The following CSRP1 variants were observed in gnomAD, a reference collection of about 807,000 sequenced individuals.
CSRP1 encodes the protein cysteine and glycine rich protein 1.
A neutral mutation model predicts 25.4 loss-of-function variants in CSRP1; 16 were observed. The ratio of observed to expected loss-of-function variants is 0.63; its 90% CI spans 0.43 to 0.96. CSRP1 has a LOEUF of 0.96. Among genes scored for constraint, CSRP1 ranks in the 40% least tolerant of loss-of-function variants. The pLI, the probability that CSRP1 is intolerant of heterozygous loss-of-function variation, is 0.00. For synonymous variants in CSRP1, 97 were observed against 95.3 expected (o/e 1.02, Z -0.10); for missense variants, 212 against 243.6 (o/e 0.87, Z 0.86).
In CSRP1 at chr1:201,488,986, T is replaced by C. The variant is rs111791241; in HGVS notation, c.282-2A>G. ...GTGGTGGGCCTGTGGCCAGGGGCTC[T>C]GCATGGAGAAGGGCATGGGGTGAGG... On this transcript the variant is annotated splice_acceptor_variant, in intron 3 of 5. Transcript: ENST00000340006. LOFTEE classifies it high-confidence loss of function. 1 of 1,613,810 alleles carries C rather than the reference T, an allele frequency of 6.2e-7. No individual in the cohort carries two copies. Among genetic ancestry groups the C allele is most frequent in the Non-Finnish European group, 8.5e-7 (1 of 1,179,844 alleles).
At chr1:201,485,471 G>A (rs1484645502) in intron 4 of CSRP1, 95 bp from the exon 5 acceptor site, 7 of 1,081,516 alleles carry the variant, frequency 6.5e-6, no homozygotes, top group South Asian at 1.3e-5. Context: ...TGGTATAAGG[G>A]CTCAAGCCAC....
At chr1:201,501,766 G>A (rs985840855) in intron 1 of CSRP1, among the ~76,000 whole-genome samples, 2 of 152,146 alleles carry the variant, frequency 1.3e-5, no homozygotes, top group African/African-American at 4.8e-5. Flanking sequence ...GCTGAGGCAG[G>A]CGGATCACTT....
chr1:201,503,812 C>G (rs997996474), intron 1 of CSRP1, among the ~76,000 whole-genome samples: 2 of 152,196 alleles, frequency 1.3e-5, no homozygotes, highest in African/African-American at 4.8e-5. Flanking sequence ...TGCTAGCTCT[C>G]TCTTTCTCAA....
rs372745780 is a variant in CSRP1, at chr1:201,496,774, T to TA, written c.-1-471dup. On this transcript the variant is annotated intron_variant, in intron 1 of 5. Coordinates refer to ENST00000340006, the MANE Select transcript of CSRP1 (RefSeq NM_004078.3). ...CTCATATTGCCAAGGGATGGACATA[T>TA]AGGTGGAAAAGTTACTACAGAAAAG... 3.2e-3 allele frequency among the ~76,000 whole-genome samples: 481 copies of TA among 152,282 alleles called. 1 individual carries two copies. The highest frequency in any genetic ancestry group is 5.3e-3 in the Non-Finnish European group (361 of 68,014).
chr1:201,494,170 G>A (rs1394619083), intron 2 of CSRP1, among the ~76,000 whole-genome samples: 1 of 151,864 alleles, frequency 6.6e-6, no homozygotes, highest in Non-Finnish European at 1.5e-5. Flanking sequence ...CCTGCCCCAG[G>A]CCCTGTTCCT....
rs753437653 is a variant in CSRP1, at chr1:201,490,541, G to C, written c.113-197C>G. 1.5e-5 allele frequency: 8 copies of C among 550,344 alleles called. No homozygotes were observed. The Admixed American group carries it at 1.8e-4, about 13-fold the overall frequency. 34.1% of individuals were successfully genotyped at this position (550,344 alleles called of 1,614,324 possible). A position where few individuals can be genotyped will look rare whatever the true frequency, so the allele number is the denominator to read the frequency against. ...ACAGAGGGATGGGATCTGCATATCC[G>C]ACTCTAGAAATGCTGGCCAACACCA... On this transcript the variant is annotated intron_variant, in intron 2 of 5. Transcript: ENST00000340006.
At chr1:201,490,697 G>A (rs998594281) in intron 2 of CSRP1, 13 of 191,176 alleles carry the variant, frequency 6.8e-5, no homozygotes, top group Middle Eastern at 4.3e-3. Flanking sequence ...CGCCTGTTGA[G>A]GTTCCTCACT....
Position 201,483,777 on chromosome 1 carries a change from A to AG in CSRP1, c.*935dup, listed in dbSNP as rs542342391. 6.3e-5 allele frequency: 30 copies of AG among 473,038 alleles called. No individual in the cohort carries two copies. In the South Asian group the frequency reaches 1.0e-3, roughly 16 times the overall value. 29.3% of individuals were successfully genotyped at this position (473,038 alleles called of 1,614,324 possible). A position where few individuals can be genotyped will look rare whatever the true frequency, so the allele number is the denominator to read the frequency against. ...GAGGCAGGGTCTTGGGTTAAAGGGAAGATTCTGAGGTCTCAGGGCAAAGGG... is the reference window on the plus strand; with the variant it reads ...GAGGCAGGGTCTTGGGTTAAAGGGAAGGATTCTGAGGTCTCAGGGCAAAGGG... On this transcript the variant is annotated 3_prime_UTR_variant, in exon 6 of 6. Transcript: ENST00000340006.
intron 1 of CSRP1, among the ~76,000 whole-genome samples, chr1:201,499,267 T>C (rs1427736089): frequency 6.6e-6 from 1 of 152,220 alleles, no homozygotes; most frequent in Non-Finnish European, 1.5e-5. Context: ...TTCCCCCTTC[T>C]TCCTTGCTAC....
intron 5 of CSRP1, 135 bp from the exon 6 acceptor site, chr1:201,484,924 C>A (rs2102401818): frequency 4.1e-6 from 3 of 724,932 alleles, no homozygotes; most frequent in Non-Finnish European, 7.1e-6. Context: ...GGTACCCCCT[C>A]ACCTCCACAG....
At chr1:201,494,194 A>C (rs1664429168) in intron 2 of CSRP1, among the ~76,000 whole-genome samples, 1 of 150,360 alleles carries the variant, frequency 6.7e-6, no homozygotes, top group Non-Finnish European at 1.5e-5. Flanking sequence ...TTCCTATGCC[A>C]CCCCCTGAAT....
At chr1:201,489,905 G>A (rs947382442) in intron 3 of CSRP1, 3 of 361,618 alleles carry the variant, frequency 8.3e-6, no homozygotes, top group Non-Finnish European at 1.5e-5. Flanking sequence ...TGGACTAAGT[G>A]ATTCTTGGGG....
At chr1:201,485,206 T>C (rs1664094218) in intron 5 of CSRP1, 77 bp downstream of exon 5, 8 of 1,253,012 alleles carry the variant, frequency 6.4e-6, no homozygotes, top group Non-Finnish European at 9.4e-6. Flanking sequence ...TTAGTTTACA[T>C]TCAGCAAAGG....
rs1664044030 is a variant in CSRP1, at chr1:201,483,741, G to A, written c.*972C>T. ...GTGATCTAAGGGTCCCTGGAGAAGG[G>A]TGGAGTGGAAGAGGCAGGGTCTTGG... is the stretch of plus-strand genomic sequence containing the variant. On this transcript the variant is annotated 3_prime_UTR_variant, in exon 6 of 6. Coordinates refer to ENST00000340006, the MANE Select transcript of CSRP1 (RefSeq NM_004078.3). 2.4e-6 allele frequency: 1 copy of A among 412,944 alleles called. No individual in the cohort carries two copies. Among genetic ancestry groups the A allele is most frequent in the Non-Finnish European group, 4.5e-6 (1 of 223,862 alleles). 25.6% of individuals were successfully genotyped at this position (412,944 alleles called of 1,614,324 possible).
In CSRP1 at chr1:201,488,854, C is replaced by T. The variant is rs200801127; in HGVS notation, c.411+1G>A. 1 of 1,612,812 alleles carries T rather than the reference C, an allele frequency of 6.2e-7. No homozygotes were observed. The highest frequency in any genetic ancestry group is 1.7e-5 in the Admixed American group (1 of 59,982). On this transcript the variant is annotated splice_donor_variant, in intron 4 of 5. Coordinates refer to ENST00000340006, the MANE Select transcript of CSRP1 (RefSeq NM_004078.3). LOFTEE classifies it high-confidence loss of function. ...CCTCTCATGCCCAGCAGCCACCTTACCTTCCCAGCACCAATCACCTTCTCC... is the reference window on the plus strand; with the variant it reads ...CCTCTCATGCCCAGCAGCCACCTTATCTTCCCAGCACCAATCACCTTCTCC...
chr1:201,484,533 A>T lies in CSRP1; in HGVS notation c.*180T>A. On this transcript the variant is annotated 3_prime_UTR_variant, in exon 6 of 6. Coordinates refer to ENST00000340006, the MANE Select transcript of CSRP1 (RefSeq NM_004078.3). The stretch of plus-strand genomic sequence containing the variant: ...AGATCCCAGGCCTGGGGAGCCCTTT[A>T]GTGGGGTGGGACCTCAGGCAGACCC... 3.2e-6 allele frequency: 2 copies of T among 622,558 alleles called. No individual in the cohort carries two copies. The highest frequency in any genetic ancestry group is 5.7e-6 in the Non-Finnish European group (2 of 349,634). The allele number at this position is 622,558 out of a possible 1,614,324, so 38.6% of individuals were successfully genotyped here. A position where few individuals can be genotyped will look rare whatever the true frequency, so the allele number is the denominator to read the frequency against.
intron 2 of CSRP1, among the ~76,000 whole-genome samples, chr1:201,494,680 T>C (rs1664448243): frequency 6.6e-6 from 1 of 152,170 alleles, no homozygotes; most frequent in Non-Finnish European, 1.5e-5. Flanking sequence ...TGTATCCTAC[T>C]CTGGAGCACA....
At chr1:201,496,044 T>C (rs1351389378) in intron 2 of CSRP1, 148 bp downstream of exon 2, 1 of 641,270 alleles carries the variant, frequency 1.6e-6, no homozygotes, top group African/African-American at 1.8e-5. Flanking sequence ...CCCTGAAGTG[T>C]TTCCCTGCCC....
At chr1:201,502,540 G>A (rs571478280) in intron 1 of CSRP1, among the ~76,000 whole-genome samples, 9 of 152,262 alleles carry the variant, frequency 5.9e-5, no homozygotes, top group Admixed American at 5.9e-4. Context: ...ATGGAGATGG[G>A]GCAGGCTTGG....
Sources: allele counts gnomAD v4.1 joint callset (sites outside exome capture counted in the v4.1 genomes callset), GRCh38; gene constraint gnomAD v4.1.1; transcripts MANE v1.5; gene names NCBI Gene and HGNC (gene_info 2026-07-23, HGNC 2026-07-21).